RYR3: variants seen among roughly 807,000 people sequenced by gnomAD.
RYR3 encodes brain ryanodine receptor-calcium release channel.
RYR3 carries 207 observed loss-of-function variants against 584.3 expected under a neutral mutation model. The ratio of observed to expected loss-of-function variants is 0.35; its 90% CI spans 0.32 to 0.40. The LOEUF (loss-of-function observed/expected upper bound fraction) is 0.40, where lower values mean the gene tolerates loss of function less well. Among genes scored for constraint, RYR3 ranks in the 10% least tolerant of loss-of-function variants. RYR3 has a pLI of 1.00. For missense variants in RYR3, 5,616 were observed against 6,089.2 expected (o/e 0.92, Z 2.59); for synonymous variants, 2,416 against 2,248.5 (o/e 1.07, Z -2.11).
intron 63 of RYR3, among the ~76,000 whole-genome samples, chr15:33,773,282 C>T (rs1422242451): frequency 1.3e-5 from 2 of 152,110 alleles, no homozygotes; most frequent in South Asian, 4.1e-4. Flanking sequence ...CCCTGTGAAG[C>T]GATGTAATCT....
At chr15:33,853,764 T>C in intron 96 of RYR3, 82 bp downstream of exon 96, 1 of 1,527,126 alleles carries the variant, frequency 6.5e-7, no homozygotes, top group East Asian at 2.3e-5. Context: ...ATCACAACCG[T>C]GTCTTTGTTC....
chr15:33,840,263 C>A (rs771677396), intron 89 of RYR3, among the ~76,000 whole-genome samples: 29 of 152,064 alleles, frequency 1.9e-4, no homozygotes, highest in Admixed American at 3.3e-4. Context: ...CTGGAATGAT[C>A]GGGAATGTTC....
At chr15:33,620,303 C>T (rs186385582) in intron 19 of RYR3, among the ~76,000 whole-genome samples, 1 of 152,244 alleles carries the variant, frequency 6.6e-6, no homozygotes. Flanking sequence ...TTTCTTGAAA[C>T]CCTTATCGTT....
chr15:33,351,315 G>A (rs537316844), intron 1 of RYR3, among the ~76,000 whole-genome samples: 1 of 152,260 alleles, frequency 6.6e-6, no homozygotes, highest in South Asian at 2.1e-4. Context: ...ATTCACAGCC[G>A]ATTTCTACCA....
At chr15:33,864,430 G>C (rs1889711387) in intron 103 of RYR3, among the ~76,000 whole-genome samples, 1 of 151,170 alleles carries the variant, frequency 6.6e-6, no homozygotes, top group South Asian at 2.1e-4. Context: ...TGGAGGTGGG[G>C]AGAACATTAC....
chr15:33,819,291 G>A (rs1014259868), intron 76 of RYR3, among the ~76,000 whole-genome samples: 1 of 152,206 alleles, frequency 6.6e-6, no homozygotes, highest in Non-Finnish European at 1.5e-5. Context: ...AAGAATCAGA[G>A]TGGGGGAAGG....
rs146753349 is a variant in RYR3, at chr15:33,597,373, T to G, written c.1789-4046T>G. Among the ~76,000 whole-genome samples the G allele has an allele frequency of 3.3e-4, 50 of 152,246 alleles. 2 individuals are homozygous for G. Among genetic ancestry groups the G allele is most frequent in the East Asian group, 5.8e-4 (3 of 5,178 alleles). Reference sequence around the variant, plus strand: ...AGCTCACGCCTGTAATCCCAGCACCTTGGGAGGCTGAGGTGGGCAGATTAC... The same window carrying G: ...AGCTCACGCCTGTAATCCCAGCACCGTGGGAGGCTGAGGTGGGCAGATTAC... On this transcript the variant is annotated intron_variant, in intron 16 of 103. Transcript: ENST00000634891.
intron 19 of RYR3, among the ~76,000 whole-genome samples, chr15:33,613,994 T>C (rs2060327951): frequency 6.6e-6 from 1 of 152,234 alleles, no homozygotes; most frequent in African/African-American, 2.4e-5. Flanking sequence ...AATGCATGTG[T>C]GCTTTAAAGT....
intron 8 of RYR3, among the ~76,000 whole-genome samples, chr15:33,545,670 A>G (rs1005744168): frequency 3.9e-5 from 6 of 152,280 alleles, no homozygotes; most frequent in African/African-American, 1.2e-4. Flanking sequence ...GAAGTGAGTG[A>G]TAAGCCTTGT....
chr15:33,795,418 A>T lies in RYR3; in HGVS notation c.9831-5352A>T, dbSNP rs2075552827. Among the ~76,000 whole-genome samples, 4 of 113,236 alleles carry T rather than the reference A, an allele frequency of 3.5e-5. 1 individual carries two copies. The Middle Eastern group carries it at 0.032, about 913-fold the overall frequency. 74.3% of individuals were successfully genotyped at this position (113,236 alleles called of 152,430 possible). On this transcript the variant is annotated intron_variant, in intron 67 of 103. Coordinates refer to ENST00000634891, the MANE Select transcript of RYR3 (RefSeq NM_001036.6). Reference sequence around the variant, plus strand: ...TTTTTTTTTTGTGAGACAGAGTCTCACTCTGTTGCCCAGCCAGCCAGGCTA... The same window carrying T: ...TTTTTTTTTTGTGAGACAGAGTCTCTCTCTGTTGCCCAGCCAGCCAGGCTA...
In RYR3 at chr15:33,788,252, C is replaced by T. The variant is rs569095648; in HGVS notation, c.9624C>T (p.Pro3208=). The part of the protein sequence containing the change: ...YAQPIISKAR[P]DLLRSHFIPT... ...AGCCCATCATCAGCAAAGCCAGGCC[C>T]GACCTGCTGAGAAGCCACTTCATCC... The change falls in exon 67 of 104, where the codon CCC becomes CCT. Residue 3208 remains proline, a synonymous_variant. Coordinates refer to ENST00000634891, the MANE Select transcript of RYR3 (RefSeq NM_001036.6). 2.0e-5 allele frequency: 32 copies of T among 1,613,936 alleles called. No homozygotes were observed. In the South Asian group the frequency reaches 2.5e-4, roughly 13 times the overall value.
intron 45 of RYR3, among the ~76,000 whole-genome samples, chr15:33,725,581 C>G (rs2068331133): frequency 6.6e-6 from 1 of 152,148 alleles, no homozygotes; most frequent in Admixed American, 6.5e-5. Flanking sequence ...CTCTGACATT[C>G]TCTACACCCT....
chr15:33,605,000 CA>C, intron 18 of RYR3, among the ~76,000 whole-genome samples: 1 of 152,260 alleles, frequency 6.6e-6, no homozygotes, highest in Admixed American at 6.5e-5. Flanking sequence ...CACCATAGCC[CA>C]AGAATGTTCT....
chr15:33,789,624 TTATA>T (rs1567174689), intron 67 of RYR3, among the ~76,000 whole-genome samples: 505 of 11,686 alleles, frequency 0.043, 29 homozygotes, highest in African/African-American at 0.097. Flanking sequence ...AGGTTTTATT[TTATA>T]TATATATATA....
intron 2 of RYR3, among the ~76,000 whole-genome samples, chr15:33,502,806 G>A (rs79329879): frequency 0.025 from 3,768 of 152,256 alleles, 168 homozygotes; most frequent in African/African-American, 0.086. Context: ...TTGGGCAGGC[G>A]ACCTAAACTC....
At chr15:33,479,510 A>G (rs1012733983) in intron 2 of RYR3, among the ~76,000 whole-genome samples, 4 of 139,442 alleles carry the variant, frequency 2.9e-5, no homozygotes, top group African/African-American at 1.2e-4. Flanking sequence ...TTTAACATTT[A>G]TCAGGCATCA....
intron 3 of RYR3, among the ~76,000 whole-genome samples, chr15:33,517,651 A>G (rs2053631650): frequency 6.6e-6 from 1 of 152,244 alleles, no homozygotes; most frequent in Admixed American, 6.5e-5. Flanking sequence ...GCTTTCTTGC[A>G]GCAACAAAGT....
At chr15:33,658,135 T>C (rs1457124880) in intron 32 of RYR3, among the ~76,000 whole-genome samples, 1 of 152,240 alleles carries the variant, frequency 6.6e-6, no homozygotes, top group African/African-American at 2.4e-5. Flanking sequence ...ACAGTGTAGC[T>C]GGGTCCTCAG....
chr15:33,740,040 T>C, intron 51 of RYR3, 45 bp downstream of exon 51: 2 of 1,558,970 alleles, frequency 1.3e-6, no homozygotes, highest in Middle Eastern at 1.7e-4. Context: ...TTTTGTCCAA[T>C]AGCCAATGTT....
Sources: allele counts gnomAD v4.1 joint callset (sites outside exome capture counted in the v4.1 genomes callset), GRCh38; gene constraint gnomAD v4.1.1; transcripts MANE v1.5; gene names NCBI Gene and HGNC (gene_info 2026-07-23, HGNC 2026-07-21).